The following MEGF10 variants were observed in gnomAD, a reference collection of about 807,000 sequenced individuals.
MEGF10 encodes multiple EGF like domains 10.
MEGF10 carries 86 observed loss-of-function variants against 147.5 expected under a neutral mutation model. The ratio of observed to expected loss-of-function variants is 0.58; its 90% CI spans 0.49 to 0.70. The LOEUF is 0.70. Among genes scored for constraint, MEGF10 ranks in the 30% least tolerant of loss-of-function variants. The probability of loss-of-function intolerance (pLI) is 0.00; values close to 1 mark genes in which losing one functional copy is unlikely to be tolerated. For synonymous variants in MEGF10, 478 were observed against 525.5 expected (o/e 0.91, Z 1.24); for missense variants, 1,329 against 1,487.3 (o/e 0.89, Z 1.75).
chr5:127,302,107 G>A (rs1270464600), intron 1 of MEGF10, among the ~76,000 whole-genome samples: 1 of 152,048 alleles, frequency 6.6e-6, no homozygotes, highest in Non-Finnish European at 1.5e-5. Flanking sequence ...TTTTTCCTTA[G>A]TAAGATGTCA....
intron 1 of MEGF10, among the ~76,000 whole-genome samples, chr5:127,328,632 T>A (rs182841132): frequency 6.6e-6 from 1 of 152,340 alleles, no homozygotes; most frequent in Admixed American, 6.5e-5. Context: ...GGGACTTTGA[T>A]TCATGGCTTG....
intron 4 of MEGF10, among the ~76,000 whole-genome samples, chr5:127,367,455 A>G (rs1762697825): frequency 1.3e-5 from 2 of 152,196 alleles, no homozygotes; most frequent in Admixed American, 6.5e-5. Flanking sequence ...AGATATAAAA[A>G]CAATTTAAGT....
chr5:127,411,239 A>C (rs1056445007), intron 9 of MEGF10, among the ~76,000 whole-genome samples: 2 of 152,150 alleles, frequency 1.3e-5, no homozygotes, highest in Non-Finnish European at 2.9e-5. Context: ...TGCCCTGAAA[A>C]TGTCTTCTTA....
the MEGF10 span, among the ~76,000 whole-genome samples, chr5:127,256,985 G>C: frequency 6.6e-6 from 1 of 152,310 alleles, no homozygotes; most frequent in South Asian, 2.1e-4. Context: ...ATGGGGAGTA[G>C]GGTATAGGAG....
the MEGF10 span, among the ~76,000 whole-genome samples, chr5:127,247,443 G>GAAC: frequency 8.5e-6 from 1 of 118,264 alleles, no homozygotes; most frequent in Non-Finnish European, 1.7e-5. Flanking sequence ...AGAAGAAGAA[G>GAAC]AAGAAGAAGA....
chr5:127,446,794 G>A (rs887558789), intron 20 of MEGF10, among the ~76,000 whole-genome samples: 1 of 152,154 alleles, frequency 6.6e-6, no homozygotes, highest in Non-Finnish European at 1.5e-5. Context: ...TTGACACAGC[G>A]GAACCCTGAT....
chr5:127,410,752 A>G, intron 9 of MEGF10, 151 bp downstream of exon 9: 1 of 684,068 alleles, frequency 1.5e-6, no homozygotes, highest in South Asian at 1.8e-5. Context: ...GAGTAAAAGG[A>G]AGACATTTTA....
Position 127,430,758 on chromosome 5 carries a change from C to G in MEGF10, c.1694-2605C>G, listed in dbSNP as rs550646572. On this transcript the variant is annotated intron_variant, in intron 13 of 24. Coordinates refer to ENST00000503335, the MANE Select transcript of MEGF10 (RefSeq NM_001256545.2). ...AGGAAAGACAACTCCACACCTTTCC[C>G]TGGAATTGCCCCCTAACTGAGACAT... Among the ~76,000 whole-genome samples, 43 of 152,262 alleles carry G rather than the reference C, an allele frequency of 2.8e-4. No homozygotes were observed. In the South Asian group the frequency reaches 8.7e-3, roughly 31 times the overall value.
At chr5:127,374,831 A>G (rs1445906923) in intron 5 of MEGF10, among the ~76,000 whole-genome samples, 1 of 152,198 alleles carries the variant, frequency 6.6e-6, no homozygotes, top group East Asian at 1.9e-4. Flanking sequence ...AATTGGTCAC[A>G]AGGTGGTAAC....
At chr5:127,352,886 C>A (rs1412352108) in intron 4 of MEGF10, among the ~76,000 whole-genome samples, 1 of 152,136 alleles carries the variant, frequency 6.6e-6, no homozygotes, top group East Asian at 1.9e-4. Flanking sequence ...ACATATGCCC[C>A]AGAGAGGTCA....
At chr5:127,400,745 A>G (rs1187446487) in intron 7 of MEGF10, among the ~76,000 whole-genome samples, 1 of 152,168 alleles carries the variant, frequency 6.6e-6, no homozygotes, top group Non-Finnish European at 1.5e-5. Context: ...GGCTTGGGTT[A>G]TGAGTCCCAG....
chr5:127,374,660 C>T (rs1386915328), intron 5 of MEGF10, among the ~76,000 whole-genome samples: 2 of 151,990 alleles, frequency 1.3e-5, no homozygotes, highest in Non-Finnish European at 2.9e-5. Context: ...CAAATTAAGT[C>T]ACAGTTCTAC....
chr5:127,377,423 C>T (rs766638738), intron 5 of MEGF10, among the ~76,000 whole-genome samples: 8 of 152,032 alleles, frequency 5.3e-5, no homozygotes, highest in Non-Finnish European at 1.0e-4. Flanking sequence ...TACCACATAG[C>T]GGCAAAAATA....
At chr5:127,386,298 AC>A (rs1763431706) in intron 5 of MEGF10, among the ~76,000 whole-genome samples, 1 of 152,210 alleles carries the variant, frequency 6.6e-6, no homozygotes, top group African/African-American at 2.4e-5. Flanking sequence ...TAGTTGGTGA[AC>A]CATGGGCATA....
chr5:127,352,899 T>C (rs921345269), intron 4 of MEGF10, among the ~76,000 whole-genome samples: 1 of 152,174 alleles, frequency 6.6e-6, no homozygotes, highest in Admixed American at 6.5e-5. Flanking sequence ...AGAGGTCAGT[T>C]CCCATGGATG....
intron 3 of MEGF10, 58 bp downstream of exon 3, chr5:127,339,279 A>T (rs938927389): frequency 8.6e-7 from 1 of 1,168,058 alleles, no homozygotes; most frequent in Non-Finnish European, 1.3e-6. Context: ...ATTCTAATAC[A>T]GAGATATTAA....
chr5:127,319,670 G>A lies in MEGF10; in HGVS notation c.-18-11621G>A, dbSNP rs78652976. ...AGATTGAGTAGACATAATTCACTGC[G>A]AGCTCTTCCTCCTGGGAATGAAAAG... On this transcript the variant is annotated intron_variant, in intron 1 of 24. Coordinates refer to ENST00000503335, the MANE Select transcript of MEGF10 (RefSeq NM_001256545.2). Among the ~76,000 whole-genome samples, 343 of 152,162 alleles carry A rather than the reference G, an allele frequency of 2.3e-3. 3 individuals are homozygous for A. Among genetic ancestry groups the A allele is most frequent in the African/African-American group, 8.0e-3 (332 of 41,502 alleles).
At chr5:127,271,394 T>A in the MEGF10 span, among the ~76,000 whole-genome samples, 9 of 152,198 alleles carry the variant, frequency 5.9e-5, no homozygotes, top group South Asian at 1.9e-3. Context: ...TTTGCCTACT[T>A]TTTAGTGGGG....
upstream of MEGF10, among the ~76,000 whole-genome samples, chr5:127,288,080 A>G (rs116668179): frequency 4.6e-3 from 699 of 152,202 alleles, 5 homozygotes; most frequent in Middle Eastern, 0.024. Context: ...CTTACTTCAT[A>G]CCATACACAA....
Sources: allele counts gnomAD v4.1 joint callset (sites outside exome capture counted in the v4.1 genomes callset), GRCh38; gene constraint gnomAD v4.1.1; transcripts MANE v1.5; gene names NCBI Gene and HGNC (gene_info 2026-07-23, HGNC 2026-07-21).